Variants in CDH3 observed in about 807,000 individuals in gnomAD.
CDH3 encodes cadherin-3.
Under a neutral mutation model 82.0 loss-of-function variants are expected in CDH3, and 54 were observed. The ratio of observed to expected loss-of-function variants is 0.66; its 90% CI spans 0.53 to 0.83. The LOEUF (loss-of-function observed/expected upper bound fraction) is 0.83. Among genes scored for constraint, CDH3 ranks in the 40% least tolerant of loss-of-function variants. The pLI, the probability that CDH3 is intolerant of heterozygous loss-of-function variation, is 0.00. For synonymous variants in CDH3, 446 were observed against 437.9 expected (o/e 1.02, Z -0.23); for missense variants, 1,054 against 1,084.6 (o/e 0.97, Z 0.40).
chr16:68,646,678 T>A, intron 2 of CDH3, among the ~76,000 whole-genome samples: 1 of 152,102 alleles, frequency 6.6e-6, no homozygotes, highest in South Asian at 2.1e-4. Flanking sequence ...GAAACCTAGT[T>A]CTTAAACGGG....
intron 4 of CDH3, 93 bp downstream of exon 4, chr16:68,678,370 C>CT (rs1961095889): frequency 4.4e-6 from 7 of 1,586,338 alleles, no homozygotes; most frequent in Non-Finnish European, 6.1e-6. Flanking sequence ...AATGTGGGGG[C>CT]TGAGACAGAA....
chr16:68,662,929 C>T (rs1169367394), intron 2 of CDH3, among the ~76,000 whole-genome samples: 3 of 129,646 alleles, frequency 2.3e-5, no homozygotes, highest in Non-Finnish European at 3.1e-5. Flanking sequence ...AGTGCAGTGG[C>T]GTGATCTTGG....
intron 2 of CDH3, among the ~76,000 whole-genome samples, chr16:68,665,541 A>T (rs368876617): frequency 1.3e-5 from 2 of 152,218 alleles, no homozygotes; most frequent in Non-Finnish European, 2.9e-5. Flanking sequence ...TTTATTGAGT[A>T]CTTACTGTTA....
intron 2 of CDH3, among the ~76,000 whole-genome samples, chr16:68,650,893 A>C (rs9927814): frequency 0.99 from 148,953 of 151,202 alleles, 73,372 homozygotes; most frequent in East Asian, 1. Flanking sequence ...ACATCCCATG[A>C]CGCCACTCAC....
rs569391693 is a variant in CDH3 at position 68,695,393 on chromosome 16, ACTGGGGGCT to A, written c.2133+14_2133+22del. On this transcript the variant is annotated intron_variant, in intron 14 of 15. Transcript: ENST00000264012. ...GGTGGCGAAGAGGACCAGGTGGGGC[ACTGGGGGCT>A]CTGGGATTGGGAGGTGGATGCCCCT... 1.6e-4 allele frequency: 256 copies of A among 1,604,546 alleles called. 4 individuals are homozygous for A. The South Asian group carries it at 2.4e-3, about 15-fold the overall frequency.
At chr16:68,657,645 G>A (rs1960442443) in intron 2 of CDH3, among the ~76,000 whole-genome samples, 1 of 152,184 alleles carries the variant, frequency 6.6e-6, no homozygotes, top group African/African-American at 2.4e-5. Context: ...AGGGCTGGTG[G>A]GCTGCCTCCC....
chr16:68,678,634 G>A lies in CDH3; in HGVS notation c.524G>A (p.Arg175Gln), dbSNP rs1961107380. The A allele has an allele frequency of 5.0e-6, 8 of 1,614,196 alleles. No individual in the cohort carries two copies. The highest frequency in any genetic ancestry group is 2.2e-5 in the South Asian group (2 of 91,080). Reference protein sequence around the residue: ...GWLLLNKPLDREEIAKYELFG... With the variant: ...GWLLLNKPLDQEEIAKYELFG... ...TTGTTGTTGAATAAGCCACTGGACC[G>A]GGAGGAGATTGCCAAGTATGAGGCA... Residue 175 changes from arginine to glutamine, a missense_variant, in exon 5 of 16, where the codon CGG (arginine) becomes CAG (glutamine). Arg to Gln is a conservative substitution (Grantham distance 43). Transcript: ENST00000264012.
At chr16:68,731,539 C>CAT (rs35961197), downstream of CDH3, among the ~76,000 whole-genome samples, 353 of 94,498 alleles carry the variant, frequency 3.7e-3, 51 homozygotes, top group Admixed American at 0.024. Context: ...CACACACACA[C>CAT]ATATATATAT....
chr16:68,702,814 G>A (rs913660774), downstream of CDH3, among the ~76,000 whole-genome samples: 4 of 151,844 alleles, frequency 2.6e-5, no homozygotes, highest in Admixed American at 6.6e-5. Flanking sequence ...TCAGTGAGCC[G>A]AGATCACGCC....
At chr16:68,697,429 TTGCACC>T (rs1199245495) in intron 15 of CDH3, among the ~76,000 whole-genome samples, 1 of 152,160 alleles carries the variant, frequency 6.6e-6, no homozygotes, top group Non-Finnish European at 1.5e-5. Flanking sequence ...TCCCAGGTGA[TTGCACC>T]TGGGGGGCAA....
chr16:68,684,022 G>A (rs191577317), intron 9 of CDH3, among the ~76,000 whole-genome samples: 4 of 139,588 alleles, frequency 2.9e-5, no homozygotes, highest in Admixed American at 2.3e-4. Flanking sequence ...AGCTGAGTTC[G>A]CATCACTGCA....
At chr16:68,659,804 CTTTTTT>C (rs71148930) in intron 2 of CDH3, among the ~76,000 whole-genome samples, 1 of 132,014 alleles carries the variant, frequency 7.6e-6, no homozygotes, top group Non-Finnish European at 1.7e-5. Context: ...CTTGTAGACC[CTTTTTT>C]TTTTTTTTTG....
intron 9 of CDH3, among the ~76,000 whole-genome samples, chr16:68,683,339 A>C (rs2152102003): frequency 6.6e-6 from 1 of 152,162 alleles, no homozygotes; most frequent in East Asian, 1.9e-4. Flanking sequence ...AAAAATAGAG[A>C]ATGTCCTAAC....
At chr16:68,696,719 T>C (rs1044419915) in intron 15 of CDH3, 3 of 152,692 alleles carry the variant, frequency 2.0e-5, no homozygotes, top group African/African-American at 7.2e-5. Context: ...GAGAGCTTGT[T>C]TAAACTACAA....
intron 13 of CDH3, among the ~76,000 whole-genome samples, chr16:68,694,991 G>A (rs894163629): frequency 1.4e-4 from 21 of 152,162 alleles, no homozygotes; most frequent in Admixed American, 1.1e-3. Flanking sequence ...AGGGGAAGTT[G>A]CTGGGGGTAT....
chr16:68,726,058 GA>G (rs1425719619), intron 2 of CDH3, among the ~76,000 whole-genome samples: 1 of 151,910 alleles, frequency 6.6e-6, no homozygotes, highest in African/African-American at 2.4e-5. Context: ...AAAAAGAAAA[GA>G]AAAAGAAAAA....
chr16:68,715,842 T>C (rs571074547), intron 1 of CDH3, among the ~76,000 whole-genome samples: 1 of 152,308 alleles, frequency 6.6e-6, no homozygotes, highest in African/African-American at 2.4e-5. Flanking sequence ...GCACAACATA[T>C]GGTTCAAAAA....
intron 2 of CDH3, among the ~76,000 whole-genome samples, chr16:68,657,216 GAAA>G (rs1368049205): frequency 4.6e-5 from 7 of 152,112 alleles, no homozygotes. Flanking sequence ...CTCACCTGGG[GAAA>G]GAAAGCCAAA....
At chr16:68,670,349 A>C (rs551123689) in intron 2 of CDH3, among the ~76,000 whole-genome samples, 1 of 151,810 alleles carries the variant, frequency 6.6e-6, no homozygotes, top group South Asian at 2.1e-4. Flanking sequence ...AAGCTGTTCG[A>C]CCTTTGGCTA....
Sources: allele counts gnomAD v4.1 joint callset (sites outside exome capture counted in the v4.1 genomes callset), GRCh38; gene constraint gnomAD v4.1.1; transcripts MANE v1.5; gene names NCBI Gene and HGNC (gene_info 2026-07-23, HGNC 2026-07-21).